CACNA2D1: variants seen among roughly 807,000 people sequenced by gnomAD.
CACNA2D1 encodes the protein calcium voltage-gated channel auxiliary subunit alpha2delta 1, also known as voltage-dependent calcium channel subunit alpha-2/delta-1.
A neutral mutation model predicts 171.5 loss-of-function variants in CACNA2D1; 53 were observed. The observed-to-expected ratio is 0.31, with a 90% CI of 0.25 to 0.39. The LOEUF is 0.39. Ranked by LOEUF, CACNA2D1 falls within the 10% of genes least tolerant of loss-of-function variation. The probability of loss-of-function intolerance (pLI) is 1.00; values close to 1 mark genes in which losing one functional copy is unlikely to be tolerated. For synonymous variants in CACNA2D1, 442 were observed against 443.1 expected (o/e 1.00, Z 0.03); for missense variants, 903 against 1,299.8 (o/e 0.69, Z 4.69).
At chr7:82,307,704 A>G (rs959522174) in intron 3 of CACNA2D1, among the ~76,000 whole-genome samples, 1 of 151,734 alleles carries the variant, frequency 6.6e-6, no homozygotes, top group African/African-American at 2.4e-5. Flanking sequence ...GTGGCTCTTG[A>G]TCTTGTTAGG....
chr7:82,238,461 C>A (rs1031956833), intron 3 of CACNA2D1, among the ~76,000 whole-genome samples: 1 of 151,780 alleles, frequency 6.6e-6, no homozygotes, highest in African/African-American at 2.4e-5. Flanking sequence ...ATATATACGG[C>A]CAACAATCAT....
chr7:82,225,676 T>A (rs76782126), intron 3 of CACNA2D1, among the ~76,000 whole-genome samples: 1 of 152,134 alleles, frequency 6.6e-6, no homozygotes, highest in Non-Finnish European at 1.5e-5. Context: ...ACTTTTCTTT[T>A]TGGGACGAAG....
At chr7:82,059,328 C>T (rs1025101455) in intron 10 of CACNA2D1, among the ~76,000 whole-genome samples, 1 of 152,086 alleles carries the variant, frequency 6.6e-6, no homozygotes, top group Non-Finnish European at 1.5e-5. Context: ...TAGTTCAGTA[C>T]TTTCTAGCTA....
intron 20 of CACNA2D1, among the ~76,000 whole-genome samples, chr7:81,993,385 T>C (rs375603517): frequency 2.0e-5 from 3 of 152,176 alleles, no homozygotes; most frequent in Non-Finnish European, 4.4e-5. Flanking sequence ...AGAAAGGTTC[T>C]ATAATTCCTA....
intron 3 of CACNA2D1, among the ~76,000 whole-genome samples, chr7:82,221,675 T>C (rs1801778220): frequency 6.6e-6 from 1 of 150,394 alleles, no homozygotes; most frequent in African/African-American, 2.5e-5. Context: ...ACCAGGGAGA[T>C]GGAGGTTGCA....
chr7:82,410,478 T>A, intron 1 of CACNA2D1: 3 of 983,898 alleles, frequency 3.0e-6, no homozygotes, highest in Non-Finnish European at 3.6e-6. Flanking sequence ...TAACGCATGT[T>A]AACAGGCAGT....
At chr7:82,367,365 C>T (rs1348293380) in intron 1 of CACNA2D1, among the ~76,000 whole-genome samples, 1 of 151,924 alleles carries the variant, frequency 6.6e-6, no homozygotes, top group Non-Finnish European at 1.5e-5. Flanking sequence ...CTTTTTTCTA[C>T]CTACCATGCT....
At chr7:82,295,674 A>T (rs1410367329) in intron 3 of CACNA2D1, among the ~76,000 whole-genome samples, 1 of 152,078 alleles carries the variant, frequency 6.6e-6, no homozygotes, top group Admixed American at 6.6e-5. Context: ...ATAGTGTATA[A>T]ACATAAATGA....
intron 38 of CACNA2D1, among the ~76,000 whole-genome samples, chr7:81,953,893 AT>A (rs1792899326): frequency 6.6e-6 from 1 of 151,992 alleles, no homozygotes; most frequent in South Asian, 2.1e-4. Flanking sequence ...TTTATATATA[AT>A]TTTTGTTTAA....
chr7:82,036,380 A>AT (rs373370157), intron 11 of CACNA2D1, among the ~76,000 whole-genome samples: 46 of 152,204 alleles, frequency 3.0e-4, no homozygotes, highest in African/African-American at 1.1e-3. Flanking sequence ...GCCATCTGCA[A>AT]TTTTTTACTG....
At chr7:82,017,350 TG>T (rs1198162253) in intron 12 of CACNA2D1, among the ~76,000 whole-genome samples, 1 of 152,170 alleles carries the variant, frequency 6.6e-6, no homozygotes, top group East Asian at 1.9e-4. Context: ...GTTTTTTCTT[TG>T]TACATTTTAG....
At chr7:82,381,861 C>G (rs1044144606) in intron 1 of CACNA2D1, among the ~76,000 whole-genome samples, 2 of 152,068 alleles carry the variant, frequency 1.3e-5, no homozygotes, top group Non-Finnish European at 2.9e-5. Context: ...TTCAAACAAC[C>G]CCGGCCTCTT....
intron 10 of CACNA2D1, among the ~76,000 whole-genome samples, chr7:82,052,355 T>C (rs1256166073): frequency 6.6e-6 from 1 of 152,184 alleles, no homozygotes; most frequent in African/African-American, 2.4e-5. Flanking sequence ...AAAATACACA[T>C]GCACACATGC....
chr7:82,385,153 G>A (rs1824189200), intron 1 of CACNA2D1, among the ~76,000 whole-genome samples: 1 of 152,166 alleles, frequency 6.6e-6, no homozygotes, highest in Non-Finnish European at 1.5e-5. Flanking sequence ...GAGCACGATT[G>A]TATGTTGCTC....
At chr7:82,000,924 C>T (rs1922062) in intron 18 of CACNA2D1, among the ~76,000 whole-genome samples, 3,311 of 151,014 alleles carry the variant, frequency 0.022, 118 homozygotes, top group African/African-American at 0.074. Flanking sequence ...CCACCGTGGC[C>T]GGCCTTAATG....
intron 1 of CACNA2D1, among the ~76,000 whole-genome samples, chr7:82,412,471 T>C (rs1264770104): frequency 6.6e-6 from 1 of 151,846 alleles, no homozygotes; most frequent in Non-Finnish European, 1.5e-5. Context: ...TTAGTAGAGA[T>C]GCGGTTTCAG....
intron 3 of CACNA2D1, among the ~76,000 whole-genome samples, chr7:82,290,979 T>TC (rs1811462469): frequency 6.7e-6 from 1 of 149,376 alleles, no homozygotes; most frequent in South Asian, 2.1e-4. Context: ...TCTTTTCTTT[T>TC]TTTTTTTTTC....
intron 3 of CACNA2D1, among the ~76,000 whole-genome samples, chr7:82,228,042 C>T (rs1470302592): frequency 6.6e-6 from 1 of 152,018 alleles, no homozygotes; most frequent in African/African-American, 2.4e-5. Context: ...GGACATCATT[C>T]ATGTTACATT....
intron 24 of CACNA2D1, among the ~76,000 whole-genome samples, chr7:81,980,519 G>A (rs1376226698): frequency 1.3e-5 from 2 of 152,122 alleles, no homozygotes; most frequent in African/African-American, 4.8e-5. Flanking sequence ...GCATTTGAAA[G>A]CTATAATATA....
Sources: allele counts gnomAD v4.1 joint callset (sites outside exome capture counted in the v4.1 genomes callset), GRCh38; gene constraint gnomAD v4.1.1; transcripts MANE v1.5; gene names NCBI Gene and HGNC (gene_info 2026-07-23, HGNC 2026-07-21).